The following STPG2 variants were observed in gnomAD, a reference collection of about 807,000 sequenced individuals.
STPG2 encodes the protein sperm tail PG-rich repeat containing 2.
In STPG2, 56 loss-of-function variants were observed where a neutral mutation model predicts 54.2. The ratio of observed to expected loss-of-function variants is 1.03; its 90% confidence interval spans 0.83 to 1.29. The LOEUF (loss-of-function observed/expected upper bound fraction) is 1.29. Ranked by LOEUF, STPG2 falls within the 50% of genes most tolerant of loss-of-function variation. The pLI is 0.00. For synonymous variants in STPG2, 200 were observed against 181.8 expected, an observed-to-expected ratio of 1.10 and a Z score of -0.81; for missense variants, 596 against 544.9, an observed-to-expected ratio of 1.09 and a Z score of -0.93.
chr4:98,128,931 A>G (rs1426332869), intron 2 of STPG2, among the ~76,000 whole-genome samples: 3 of 151,928 alleles, frequency 2.0e-5, no homozygotes, highest in Non-Finnish European at 4.4e-5. Flanking sequence ...ACAGGGTTTT[A>G]CCATGTTGGC....
In STPG2 at chr4:97,480,634, A is replaced by G. The variant is rs1730196958; in HGVS notation, c.462+232065T>C. ...TTTTCTTTTTAATTTTAGCTGTTGTAGTAGGTATGTAATGTGGTTTTAATT... is the reference window on the plus strand; with the variant it reads ...TTTTCTTTTTAATTTTAGCTGTTGTGGTAGGTATGTAATGTGGTTTTAATT... On this transcript the variant is annotated intron_variant, in intron 4 of 4. Coordinates refer to the STPG2 transcript ENST00000522676. 2.6e-5 allele frequency among the ~76,000 whole-genome samples: 4 copies of G among 151,698 alleles called. No individual in the cohort carries two copies. The South Asian group carries it at 8.3e-4, about 31-fold the overall frequency.
intron 4 of STPG2, among the ~76,000 whole-genome samples, chr4:97,497,455 C>T (rs1244997182): frequency 1.3e-5 from 2 of 151,756 alleles, no homozygotes; most frequent in African/African-American, 4.8e-5. Flanking sequence ...TGTTTTCTAA[C>T]TTATTTTTCA....
At chr4:97,902,475 T>C (rs1333541996) in intron 8 of STPG2, among the ~76,000 whole-genome samples, 5 of 152,034 alleles carry the variant, frequency 3.3e-5, no homozygotes, top group Non-Finnish European at 7.4e-5. Context: ...TAACTAACAG[T>C]TGGCAAAATA....
intron 10 of STPG2, among the ~76,000 whole-genome samples, chr4:97,644,446 A>G (rs1226099944): frequency 6.6e-6 from 1 of 152,058 alleles, no homozygotes. Context: ...TAAAAGCAAC[A>G]GATGAACACT....
intron 8 of STPG2, among the ~76,000 whole-genome samples, chr4:97,853,812 C>T (rs1470032297): frequency 6.6e-6 from 1 of 152,126 alleles, no homozygotes; most frequent in Non-Finnish European, 1.5e-5. Flanking sequence ...AACTGGGTCT[C>T]ATTCTCTCAC....
intron 10 of STPG2, among the ~76,000 whole-genome samples, chr4:97,614,805 G>C (rs1733818247): frequency 6.6e-6 from 1 of 152,148 alleles, no homozygotes; most frequent in Non-Finnish European, 1.5e-5. Flanking sequence ...CAACAGTTTT[G>C]ATACCCATAA....
intron 10 of STPG2, among the ~76,000 whole-genome samples, chr4:97,709,682 A>G (rs1195990744): frequency 2.6e-5 from 4 of 151,850 alleles, no homozygotes; most frequent in African/African-American, 4.8e-5. Flanking sequence ...AAATCAATAT[A>G]TTTGAAGCAA....
chr4:97,968,599 G>A (rs969300322), intron 7 of STPG2, among the ~76,000 whole-genome samples: 2 of 152,106 alleles, frequency 1.3e-5, no homozygotes, highest in Non-Finnish European at 2.9e-5. Flanking sequence ...AGATCAAGTT[G>A]GCTTCATCCC....
At chr4:97,971,564 C>T (rs569585546) in intron 7 of STPG2, among the ~76,000 whole-genome samples, 15 of 152,160 alleles carry the variant, frequency 9.9e-5, no homozygotes, top group African/African-American at 2.9e-4. Flanking sequence ...GACCACACAC[C>T]GCAGGTTCTC....
At chr4:97,789,217 G>A (rs1313954581) in intron 9 of STPG2, among the ~76,000 whole-genome samples, 1 of 151,920 alleles carries the variant, frequency 6.6e-6, no homozygotes, top group Non-Finnish European at 1.5e-5. Context: ...GAGAAAAAAA[G>A]AGGTATACCT....
chr4:97,755,131 C>T (rs528319757), intron 9 of STPG2, among the ~76,000 whole-genome samples: 24 of 152,266 alleles, frequency 1.6e-4, no homozygotes, highest in African/African-American at 5.3e-4. Flanking sequence ...CATACTTTCT[C>T]GCATTTATCG....
intron 9 of STPG2, among the ~76,000 whole-genome samples, chr4:97,784,699 A>G (rs910717465): frequency 5.0e-5 from 4 of 79,218 alleles, no homozygotes; most frequent in Admixed American, 1.7e-4. Context: ...TAATATTACT[A>G]TAGTATTACA....
At chr4:97,590,532 C>A (rs1733114833) in intron 10 of STPG2, among the ~76,000 whole-genome samples, 1 of 151,858 alleles carries the variant, frequency 6.6e-6, no homozygotes, top group Admixed American at 6.6e-5. Context: ...GATAGACAAA[C>A]TGGAAATCTT....
In STPG2 at chr4:97,981,660, T is replaced by G. The variant is rs543347564; in HGVS notation, c.613-342A>C. Among the ~76,000 whole-genome samples, 180 of 151,770 alleles carry G rather than the reference T, an allele frequency of 1.2e-3. 1 individual carries two copies. The highest frequency in any genetic ancestry group is 3.5e-3 in the Middle Eastern group (1 of 286). On this transcript the variant is annotated intron_variant, in intron 5 of 10. Transcript: ENST00000295268. ...CAGTTAATATAAATAAAAAACTATA[T>G]GATCTAACACGTTATTTTATGTGAT...
intron 5 of STPG2, among the ~76,000 whole-genome samples, chr4:97,987,176 T>G (rs1473139339): frequency 1.3e-5 from 2 of 152,130 alleles, no homozygotes; most frequent in African/African-American, 2.4e-5. Flanking sequence ...AAAAATTTCC[T>G]TAGCAAAGCA....
At chr4:97,563,185 C>G (rs919142880) in intron 10 of STPG2, among the ~76,000 whole-genome samples, 1 of 152,116 alleles carries the variant, frequency 6.6e-6, no homozygotes, top group Non-Finnish European at 1.5e-5. Flanking sequence ...GTGTATGTGT[C>G]AAGGAATTTA....
rs368834564 is a variant in STPG2 at position 98,085,430 on chromosome 4, A to G, written c.612+20523T>C. Among the ~76,000 whole-genome samples the G allele has an allele frequency of 5.9e-5, 9 of 152,200 alleles. No homozygotes were observed. In the South Asian group the frequency reaches 1.9e-3, roughly 31 times the overall value. On this transcript the variant is annotated intron_variant, in intron 5 of 10. Transcript: ENST00000295268. ...ATTTCTGCAAAAACTTCTGCTAGGA[A>G]TTTGATTGGGTTGATACTATTACAT...
At chr4:97,876,424 G>A (rs895916443) in intron 8 of STPG2, among the ~76,000 whole-genome samples, 2 of 151,972 alleles carry the variant, frequency 1.3e-5, no homozygotes, top group African/African-American at 2.4e-5. Context: ...AAGCAATGAT[G>A]TCTTAAAAGC....
At chr4:97,706,830 A>G (rs1227601499) in intron 10 of STPG2, among the ~76,000 whole-genome samples, 1 of 152,204 alleles carries the variant, frequency 6.6e-6, no homozygotes, top group Non-Finnish European at 1.5e-5. Flanking sequence ...TTAAAAGAGA[A>G]TAAGAAAAGA....
Sources: allele counts gnomAD v4.1 joint callset (sites outside exome capture counted in the v4.1 genomes callset), GRCh38; gene constraint gnomAD v4.1.1; transcripts MANE v1.5; gene names NCBI Gene and HGNC (gene_info 2026-07-23, HGNC 2026-07-21).